The following PABPC4L variants were observed in gnomAD, a reference collection of about 807,000 sequenced individuals.
The protein encoded by PABPC4L is polyadenylate-binding protein 4-like.
For missense variants in PABPC4L, 452 were observed against 451.4 expected, an observed-to-expected ratio of 1.00 and a Z score of -0.01; for synonymous variants, 169 against 164.1, an observed-to-expected ratio of 1.03 and a Z score of -0.23.
chr4:134,084,245 C>T, the PABPC4L span, among the ~76,000 whole-genome samples: 35 of 151,856 alleles, frequency 2.3e-4, no homozygotes, highest in East Asian at 3.9e-4. Flanking sequence ...AGAGGTCTCC[C>T]GATGTTTCCC....
At chr4:134,013,948 C>T in the PABPC4L span, among the ~76,000 whole-genome samples, 2 of 152,238 alleles carry the variant, frequency 1.3e-5, no homozygotes, top group East Asian at 1.9e-4. Flanking sequence ...GACTAGCCCT[C>T]CCCCACCTGC....
the PABPC4L span, among the ~76,000 whole-genome samples, chr4:134,064,840 A>T: frequency 6.6e-6 from 1 of 152,024 alleles, no homozygotes; most frequent in Non-Finnish European, 1.5e-5. Context: ...TATAAGAGTG[A>T]ACATGAGGTA....
chr4:134,153,340 G>A, the PABPC4L span, among the ~76,000 whole-genome samples: 6 of 151,756 alleles, frequency 4.0e-5, no homozygotes, highest in African/African-American at 1.4e-4. Context: ...TCAGATGCTG[G>A]TTTTTGAAGT....
At chr4:134,148,880 C>T in the PABPC4L span, among the ~76,000 whole-genome samples, 1 of 151,826 alleles carries the variant, frequency 6.6e-6, no homozygotes, top group African/African-American at 2.4e-5. Flanking sequence ...GTAGTATCTT[C>T]AATATGTTCT....
At chr4:134,104,436 C>T in the PABPC4L span, among the ~76,000 whole-genome samples, 1 of 151,606 alleles carries the variant, frequency 6.6e-6, no homozygotes, top group Non-Finnish European at 1.5e-5. Flanking sequence ...CATCCACCAC[C>T]TACTACATAC....
the PABPC4L span, among the ~76,000 whole-genome samples, chr4:134,039,881 T>A: frequency 2.4e-3 from 361 of 151,994 alleles, 1 homozygote; most frequent in Admixed American, 4.3e-3. Context: ...CAGGATACAA[T>A]ATCAATGTCC....
At chr4:134,082,926 C>T in the PABPC4L span, among the ~76,000 whole-genome samples, 3 of 152,124 alleles carry the variant, frequency 2.0e-5, no homozygotes, top group East Asian at 5.8e-4. Flanking sequence ...TGAGTGTGAT[C>T]TAACTTCGGA....
At chr4:134,026,482 T>C in the PABPC4L span, among the ~76,000 whole-genome samples, 2 of 152,068 alleles carry the variant, frequency 1.3e-5, no homozygotes, top group Non-Finnish European at 2.9e-5. Flanking sequence ...TACATCCCTG[T>C]CACCTAGAAT....
At chr4:133,961,024 C>T in the PABPC4L span, among the ~76,000 whole-genome samples, 1 of 152,082 alleles carries the variant, frequency 6.6e-6, no homozygotes. Context: ...AGTTCTAGGG[C>T]CCCACCCACC....
the PABPC4L span, among the ~76,000 whole-genome samples, chr4:133,993,238 T>C: frequency 6.6e-6 from 1 of 152,152 alleles, no homozygotes; most frequent in Non-Finnish European, 1.5e-5. Flanking sequence ...TCCCCCTTTT[T>C]TGTTTTCTGA....
At chr4:134,185,747 T>C in the PABPC4L span, among the ~76,000 whole-genome samples, 1 of 152,120 alleles carries the variant, frequency 6.6e-6, no homozygotes, top group African/African-American at 2.4e-5. Context: ...AGTCAAATTG[T>C]CCCTGTTTGC....
chr4:134,105,231 T>G, the PABPC4L span, among the ~76,000 whole-genome samples: 1 of 151,558 alleles, frequency 6.6e-6, no homozygotes, highest in Non-Finnish European at 1.5e-5. Context: ...AAAAGATATC[T>G]CCAACTTACA....
chr4:134,174,758 T>G, the PABPC4L span, among the ~76,000 whole-genome samples: 2 of 152,190 alleles, frequency 1.3e-5, no homozygotes, highest in South Asian at 2.1e-4. Context: ...ACTTCATTTC[T>G]ATATATTTTT....
At chr4:134,073,057 C>T in the PABPC4L span, among the ~76,000 whole-genome samples, 5 of 152,144 alleles carry the variant, frequency 3.3e-5, 1 homozygote, top group Admixed American at 6.5e-5. Flanking sequence ...CATGTCCTCA[C>T]ATTTTAAAAC....
chr4:133,971,995 C>T, the PABPC4L span, among the ~76,000 whole-genome samples: 1 of 152,018 alleles, frequency 6.6e-6, no homozygotes, highest in Non-Finnish European at 1.5e-5. Context: ...AAATAAATTA[C>T]CAACATTCAA....
chr4:134,071,293 C>T, the PABPC4L span, among the ~76,000 whole-genome samples: 1 of 151,988 alleles, frequency 6.6e-6, no homozygotes, highest in Non-Finnish European at 1.5e-5. Context: ...ACTCTCAGTG[C>T]CTTCCTCTGA....
At chr4:134,158,114 C>T in the PABPC4L span, among the ~76,000 whole-genome samples, 1 of 151,962 alleles carries the variant, frequency 6.6e-6, no homozygotes, top group South Asian at 2.1e-4. Context: ...TTAAATTTTA[C>T]TGGGGAATTT....
the PABPC4L span, among the ~76,000 whole-genome samples, chr4:134,179,451 C>A: frequency 5.9e-5 from 9 of 152,054 alleles, no homozygotes; most frequent in African/African-American, 1.9e-4. Flanking sequence ...GTACATAGAC[C>A]AGTGACACTG....
chr4:134,012,715 C>G, the PABPC4L span, among the ~76,000 whole-genome samples: 3 of 152,292 alleles, frequency 2.0e-5, no homozygotes, highest in African/African-American at 7.2e-5. Flanking sequence ...CCACTTACAA[C>G]CTCAGGTCCT....
Sources: gnomAD v4.1 joint callset for allele counts (sites outside exome capture counted in the v4.1 genomes callset) on GRCh38, gnomAD v4.1.1 for gene constraint, MANE v1.5 for transcripts, NCBI Gene and HGNC (gene_info 2026-07-23, HGNC 2026-07-21) for gene names.